RASGRP1: variants seen among roughly 807,000 people sequenced by gnomAD.
RASGRP1 encodes RAS guanyl-releasing protein 1.
Under a neutral mutation model 95.1 loss-of-function variants are expected in RASGRP1, and 37 were observed. The ratio of observed to expected loss-of-function variants is 0.39; its 90% CI spans 0.30 to 0.51. The LOEUF (loss-of-function observed/expected upper bound fraction) is 0.51, where lower values mean the gene tolerates loss of function less well. Ranked by LOEUF, RASGRP1 falls within the 20% of genes least tolerant of loss-of-function variation. The pLI is 0.80. For synonymous variants in RASGRP1, 325 were observed against 353.4 expected (o/e 0.92, Z 0.90); for missense variants, 711 against 965.4 (o/e 0.74, Z 3.49).
intron 2 of RASGRP1, among the ~76,000 whole-genome samples, chr15:38,539,836 C>T (rs1038841652): frequency 2.0e-5 from 3 of 151,944 alleles, no homozygotes; most frequent in African/African-American, 7.3e-5. Context: ...GTTTTTTGTT[C>T]TTGCGATAGT....
At chr15:38,547,367 C>A (rs1278270683) in intron 2 of RASGRP1, among the ~76,000 whole-genome samples, 1 of 152,136 alleles carries the variant, frequency 6.6e-6, no homozygotes, top group Non-Finnish European at 1.5e-5. Flanking sequence ...GCAAACTTAA[C>A]ACCCTCTAAA....
Position 38,491,130 on chromosome 15 carries a change from G to A in RASGRP1, c.2260-442C>T, listed in dbSNP as rs192886930. Among the ~76,000 whole-genome samples, 252 of 152,220 alleles carry A rather than the reference G, an allele frequency of 1.7e-3. 2 individuals are homozygous for A. The highest frequency in any genetic ancestry group is 4.0e-3 in the East Asian group (21 of 5,192). On this transcript the variant is annotated intron_variant, in intron 16 of 16. Coordinates refer to ENST00000310803, the MANE Select transcript of RASGRP1 (RefSeq NM_005739.4). ...TTGAAAACAAATTTAACTTTTTGAT[G>A]ATGTTAAGAATTTCACCCCACCCCT...
chr15:38,553,655 A>T (rs910170510), intron 2 of RASGRP1, among the ~76,000 whole-genome samples: 1 of 152,260 alleles, frequency 6.6e-6, no homozygotes, highest in African/African-American at 2.4e-5. Flanking sequence ...ATCAAACTGT[A>T]GTTGTAACAG....
chr15:38,505,716 G>A, intron 10 of RASGRP1, 124 bp downstream of exon 10: 2 of 732,670 alleles, frequency 2.7e-6, no homozygotes, highest in Non-Finnish European at 4.7e-6. Context: ...GCATAAGGTT[G>A]AGCACTAAGA....
At chr15:38,515,779 C>CA (rs1891736795) in intron 6 of RASGRP1, among the ~76,000 whole-genome samples, 2 of 125,238 alleles carry the variant, frequency 1.6e-5, no homozygotes, top group African/African-American at 6.4e-5. Flanking sequence ...CGCCCCCGCA[C>CA]CCCCCCCCCT....
At chr15:38,496,358 C>T (rs949107146) in intron 15 of RASGRP1, among the ~76,000 whole-genome samples, 3 of 152,182 alleles carry the variant, frequency 2.0e-5, no homozygotes, top group Admixed American at 2.0e-4. Flanking sequence ...TATCTTACCA[C>T]TGTGGGGCAG....
intron 10 of RASGRP1, 143 bp downstream of exon 10, chr15:38,505,697 C>T: frequency 1.5e-6 from 1 of 657,270 alleles, no homozygotes; most frequent in South Asian, 1.9e-5. Context: ...AAAGCTTTCT[C>T]TGTTCCTAGC....
chr15:38,521,541 G>GC (rs745752444), intron 3 of RASGRP1, among the ~76,000 whole-genome samples: 1 of 152,116 alleles, frequency 6.6e-6, no homozygotes, highest in Non-Finnish European at 1.5e-5. Context: ...GGCAAAGGCT[G>GC]CCCCCCACAG....
intron 2 of RASGRP1, among the ~76,000 whole-genome samples, chr15:38,553,827 A>G (rs1419563904): frequency 2.0e-5 from 3 of 152,146 alleles, no homozygotes; most frequent in African/African-American, 7.2e-5. Flanking sequence ...ATCTGGCTGG[A>G]TTGTTTTAGA....
intron 15 of RASGRP1, among the ~76,000 whole-genome samples, chr15:38,497,294 GCTC>G (rs1890830858): frequency 6.6e-6 from 1 of 151,988 alleles, no homozygotes; most frequent in Non-Finnish European, 1.5e-5. Flanking sequence ...TTTTTAAATA[GCTC>G]CTCATTTTAT....
intron 8 of RASGRP1, among the ~76,000 whole-genome samples, chr15:38,510,332 T>G (rs1004553265): frequency 6.6e-6 from 1 of 152,252 alleles, no homozygotes; most frequent in Admixed American, 6.5e-5. Context: ...CCACCTGGTT[T>G]CAGCAGAACC....
At chr15:38,518,081 T>G (rs1352092252) in intron 5 of RASGRP1, among the ~76,000 whole-genome samples, 1 of 152,188 alleles carries the variant, frequency 6.6e-6, no homozygotes, top group Non-Finnish European at 1.5e-5. Context: ...TGTCACCTAC[T>G]GCTTTATCAC....
chr15:38,533,306 T>C (rs1412003788), intron 2 of RASGRP1, among the ~76,000 whole-genome samples: 1 of 152,136 alleles, frequency 6.6e-6, no homozygotes, highest in Non-Finnish European at 1.5e-5. Flanking sequence ...AGGTTGATAA[T>C]GGAGGTCAGT....
At position 38,511,819 on chromosome 15, in the gene RASGRP1, TACGCTGGTTA is replaced by T; in HGVS notation, c.850-109_850-100del. 3.6e-6 allele frequency: 3 copies of T among 822,132 alleles called. No individual in the cohort carries two copies. In the South Asian group the frequency reaches 4.5e-5, roughly 12 times the overall value. The allele number at this position is 822,132 out of a possible 1,614,324, so 50.9% of individuals were successfully genotyped here. A position where few individuals can be genotyped will look rare whatever the true frequency, so the allele number is the denominator to read the frequency against. ...TTGTCTCTGTGCCGTGAGTCTCCCT[TACGCTGGTTA>T]AAGACTAGTTACGAGGCATTGCAAT... On this transcript the variant is annotated intron_variant, in intron 7 of 16. Transcript: ENST00000310803.
intron 3 of RASGRP1, among the ~76,000 whole-genome samples, chr15:38,522,808 AG>A (rs1892051864): frequency 6.6e-6 from 1 of 152,190 alleles, no homozygotes; most frequent in Admixed American, 6.5e-5. Flanking sequence ...GAACAGACTG[AG>A]GAGGCCCTTT....
rs1251951244 is a variant in RASGRP1 at position 38,494,708 on chromosome 15, TCTC to T, written c.1930_1932del (p.Glu644del). The stretch of plus-strand genomic sequence containing the variant: ...ATCAGCATGATGGTCCGATCCTTAC[TCTC>T]CTCACCATGTTCCACAGCCTCCCCA... On this transcript the variant is annotated inframe_deletion, in exon 16 of 17. Transcript: ENST00000310803. The T allele has an allele frequency of 6.6e-7, 1 of 1,520,978 alleles. No individual in the cohort carries two copies. The highest frequency in any genetic ancestry group is 8.8e-7 in the Non-Finnish European group (1 of 1,137,962). 94.2% of individuals were successfully genotyped at this position (1,520,978 alleles called of 1,614,324 possible). A position where few individuals can be genotyped will look rare whatever the true frequency, so the allele number is the denominator to read the frequency against.
intron 6 of RASGRP1, among the ~76,000 whole-genome samples, chr15:38,515,910 A>AGAGAGTGTGTGT (rs779224083): frequency 1.4e-5 from 2 of 143,462 alleles, no homozygotes; most frequent in Admixed American, 6.9e-5. Flanking sequence ...AGAGAGAGAG[A>AGAGAGTGTGTGT]GTGTGTGTGT....
At chr15:38,537,073 T>C (rs1443616449) in intron 2 of RASGRP1, among the ~76,000 whole-genome samples, 2 of 152,178 alleles carry the variant, frequency 1.3e-5, no homozygotes, top group African/African-American at 4.8e-5. Context: ...TTTCTTTGTT[T>C]GGCTATTCCA....
At chr15:38,534,310 A>C (rs1387414595) in intron 2 of RASGRP1, 1 of 151,514 alleles carries the variant, frequency 6.6e-6, no homozygotes, top group East Asian at 1.9e-4. Flanking sequence ...ATTTGGGAGA[A>C]GGGAAGCTCA....
Sources: allele counts gnomAD v4.1 joint callset (sites outside exome capture counted in the v4.1 genomes callset), GRCh38; gene constraint gnomAD v4.1.1; transcripts MANE v1.5; gene names NCBI Gene and HGNC (gene_info 2026-07-23, HGNC 2026-07-21).